Variants in ABCA8 observed in about 807,000 individuals in gnomAD.
ABCA8 encodes the protein ABC-type organic anion transporter ABCA8.
ABCA8 carries 177 observed loss-of-function variants against 192.3 expected under a neutral mutation model. The observed-to-expected ratio is 0.92, with a 90% CI of 0.81 to 1.04. The LOEUF (loss-of-function observed/expected upper bound fraction) is 1.04. ABCA8 is among the 50% of genes least tolerant of loss of function. The pLI is 0.00. For missense variants in ABCA8, 1,915 were observed against 1,904.8 expected (o/e 1.01, Z -0.10); for synonymous variants, 642 against 690.2 (o/e 0.93, Z 1.09).
At chr17:68,927,540 T>C (rs2067734581) in intron 10 of ABCA8, among the ~76,000 whole-genome samples, 1 of 152,142 alleles carries the variant, frequency 6.6e-6, no homozygotes, top group Admixed American at 6.5e-5. Context: ...CTTCACATGA[T>C]TCTGTTGTCC....
chr17:68,928,163 T>C (rs2067755163), intron 9 of ABCA8, 100 bp from the exon 10 acceptor site: 1 of 967,480 alleles, frequency 1.0e-6, no homozygotes. Context: ...TATTGCCTCA[T>C]ACTGAGAATA....
intron 21 of ABCA8, 103 bp downstream of exon 21, chr17:68,902,610 C>A (rs1304162285): frequency 3.1e-6 from 3 of 978,120 alleles, no homozygotes; most frequent in Non-Finnish European, 4.3e-6. Context: ...TTTTTTAACA[C>A]ATGCTGAATA....
chr17:68,875,577 C>A, intron 36 of ABCA8, 37 bp downstream of exon 36: 2 of 1,608,134 alleles, frequency 1.2e-6, no homozygotes, highest in Non-Finnish European at 1.7e-6. Flanking sequence ...CAGCAATGCA[C>A]CTTGGGCTCA....
chr17:68,923,491 C>T (rs1307791053), intron 11 of ABCA8, among the ~76,000 whole-genome samples: 2 of 152,246 alleles, frequency 1.3e-5, no homozygotes, highest in East Asian at 3.9e-4. Flanking sequence ...TGAGCCACCG[C>T]TCCTGGCCAA....
intron 27 of ABCA8, chr17:68,884,822 G>GA (rs1173067760): frequency 2.0e-6 from 2 of 985,100 alleles, no homozygotes; most frequent in Non-Finnish European, 2.4e-6. Flanking sequence ...CAGTCAGCCA[G>GA]AAAAAAGGAC....
At chr17:68,930,657 T>C (rs2067841999) in intron 7 of ABCA8, among the ~76,000 whole-genome samples, 1 of 152,200 alleles carries the variant, frequency 6.6e-6, no homozygotes, top group African/African-American at 2.4e-5. Context: ...TTCCTCATCT[T>C]ATTGATAGAG....
intron 37 of ABCA8, among the ~76,000 whole-genome samples, chr17:68,874,417 G>A (rs1308081570): frequency 6.6e-6 from 1 of 152,094 alleles, no homozygotes; most frequent in African/African-American, 2.4e-5. Context: ...TTAATATTTT[G>A]TTTCTCAGAT....
chr17:68,875,429 G>GAA (rs4148027), intron 36 of ABCA8, 29 bp from the exon 37 acceptor site: 3 of 1,470,426 alleles, frequency 2.0e-6, no homozygotes, highest in Admixed American at 2.0e-5. Context: ...TGAGAAAGGA[G>GAA]AAAAAAAAAA....
At chr17:68,943,967 T>G (rs1359992250) in intron 2 of ABCA8, among the ~76,000 whole-genome samples, 1 of 152,004 alleles carries the variant, frequency 6.6e-6, no homozygotes, top group Non-Finnish European at 1.5e-5. Flanking sequence ...TGGAATACTA[T>G]GCAGCCATGA....
chr17:68,868,309 G>A lies in ABCA8; in HGVS notation c.4759C>T (p.Leu1587=), dbSNP rs2065966378. The change falls in exon 39 of 40, where the codon CTG becomes TTG. Residue 1587 remains leucine (L), a synonymous_variant. Coordinates refer to ENST00000586539, the MANE Select transcript of ABCA8 (RefSeq NM_001288985.2). ...CCCTAAAAATGACCCACCTGCTCCAGGGTAGACTGTGAGAGGCTGTACTCC... is the reference window on the plus strand; with the variant it reads ...CCCTAAAAATGACCCACCTGCTCCAAGGTAGACTGTGAGAGGCTGTACTCC... ...LEEYSLSQST[L]EQVFLELSKE... 1 of 1,613,584 alleles carries A rather than the reference G, an allele frequency of 6.2e-7. No homozygotes were observed.
At chr17:68,952,560 A>G (rs1454077563) in intron 1 of ABCA8, among the ~76,000 whole-genome samples, 1 of 152,158 alleles carries the variant, frequency 6.6e-6, no homozygotes, top group African/African-American at 2.4e-5. Flanking sequence ...TTGCCAATGA[A>G]TTATGCATTT....
At chr17:68,925,544 A>G (rs953436191) in intron 10 of ABCA8, among the ~76,000 whole-genome samples, 2 of 152,160 alleles carry the variant, frequency 1.3e-5, no homozygotes, top group Admixed American at 1.3e-4. Context: ...TCATATTAGG[A>G]AACATTATGA....
At chr17:68,929,747 G>T in intron 7 of ABCA8, 45 bp from the exon 8 acceptor site, 1 of 1,523,810 alleles carries the variant, frequency 6.6e-7, no homozygotes, top group Non-Finnish European at 8.8e-7. Context: ...ATGTTCACTT[G>T]AAAAGGAAGA....
intron 5 of ABCA8, among the ~76,000 whole-genome samples, chr17:68,936,501 A>T (rs1316950390): frequency 6.6e-6 from 1 of 152,088 alleles, no homozygotes; most frequent in East Asian, 1.9e-4. Context: ...ATGTGGCTTC[A>T]TTCTGGTTTC....
chr17:68,900,254 A>G (rs1264178082), intron 21 of ABCA8, among the ~76,000 whole-genome samples: 11 of 152,098 alleles, frequency 7.2e-5, no homozygotes, highest in Non-Finnish European at 1.5e-4. Flanking sequence ...AAGATCAGGA[A>G]CAAAAAGAGG....
chr17:68,914,728 T>C (rs1318490967), intron 17 of ABCA8, among the ~76,000 whole-genome samples: 1 of 152,194 alleles, frequency 6.6e-6, no homozygotes, highest in African/African-American at 2.4e-5. Context: ...CAAAGCAATC[T>C]ACTTATTCAA....
At chr17:68,946,550 G>A (rs2068414671) in intron 2 of ABCA8, among the ~76,000 whole-genome samples, 1 of 152,150 alleles carries the variant, frequency 6.6e-6, no homozygotes. Context: ...ATAGGTAGAT[G>A]CCTTAGAAGA....
At chr17:68,953,621 A>T (rs917369474) in intron 1 of ABCA8, among the ~76,000 whole-genome samples, 1 of 152,140 alleles carries the variant, frequency 6.6e-6, no homozygotes, top group Non-Finnish European at 1.5e-5. Flanking sequence ...CCATGGAAGG[A>T]GAAGAGGGAA....
At chr17:68,893,930 C>G in intron 23 of ABCA8, 2 of 235,990 alleles carry the variant, frequency 8.5e-6, no homozygotes, top group African/African-American at 2.6e-5. Flanking sequence ...TATTCCCTTT[C>G]CTGTGTCCAT....
Sources: allele counts gnomAD v4.1 joint callset (sites outside exome capture counted in the v4.1 genomes callset), GRCh38; gene constraint gnomAD v4.1.1; transcripts MANE v1.5; gene names NCBI Gene and HGNC (gene_info 2026-07-23, HGNC 2026-07-21).